Variants in SLC25A21 observed in about 807,000 individuals in gnomAD.
SLC25A21 encodes mitochondrial 2-oxodicarboxylate carrier.
A neutral mutation model predicts 43.8 loss-of-function variants in SLC25A21; 47 were observed. The ratio of observed to expected loss-of-function variants is 1.07; its 90% CI spans 0.85 to 1.37. SLC25A21 has a LOEUF of 1.37. SLC25A21 is among the 40% of genes most tolerant of loss of function. The pLI is 0.00. For missense variants in SLC25A21, 352 were observed against 350.2 expected (o/e 1.00, Z -0.04); for synonymous variants, 131 against 121.3 (o/e 1.08, Z -0.52).
chr14:37,034,446 C>T (rs1961284562), intron 1 of SLC25A21, among the ~76,000 whole-genome samples: 1 of 152,220 alleles, frequency 6.6e-6, no homozygotes, highest in Admixed American at 6.5e-5. Flanking sequence ...GAAACCTCTG[C>T]TATCTTATCT....
At chr14:36,962,668 T>C (rs1039388012) in intron 1 of SLC25A21, among the ~76,000 whole-genome samples, 2 of 152,174 alleles carry the variant, frequency 1.3e-5, no homozygotes, top group Non-Finnish European at 2.9e-5. Context: ...TCAAACTGCA[T>C]CAAATTTAAA....
At chr14:36,756,978 G>C (rs978365978) in intron 3 of SLC25A21, among the ~76,000 whole-genome samples, 2 of 151,990 alleles carry the variant, frequency 1.3e-5, no homozygotes, top group African/African-American at 4.8e-5. Context: ...ACTGAGTTGG[G>C]CGTGGTGGCT....
At chr14:37,004,146 G>C (rs1960546953) in intron 1 of SLC25A21, among the ~76,000 whole-genome samples, 1 of 152,014 alleles carries the variant, frequency 6.6e-6, no homozygotes. Context: ...TGTTCTCTGT[G>C]GCGTTAAGAC....
At chr14:36,835,787 C>T (rs950707225) in intron 2 of SLC25A21, among the ~76,000 whole-genome samples, 1 of 152,200 alleles carries the variant, frequency 6.6e-6, no homozygotes, top group African/African-American at 2.4e-5. Context: ...TCAAGGATGG[C>T]AAATCTGCTG....
At chr14:37,055,003 C>A (rs1158660743) in intron 1 of SLC25A21, among the ~76,000 whole-genome samples, 2 of 152,194 alleles carry the variant, frequency 1.3e-5, no homozygotes, top group African/African-American at 4.8e-5. Context: ...TTCTGCCCAG[C>A]TGGAATTCAG....
At chr14:37,125,309 C>T (rs760999483) in intron 1 of SLC25A21, among the ~76,000 whole-genome samples, 2 of 152,130 alleles carry the variant, frequency 1.3e-5, no homozygotes, top group Admixed American at 6.6e-5. Context: ...AGTGATACTT[C>T]GGTTAACATA....
chr14:36,926,012 T>A (rs1339413571), intron 1 of SLC25A21, among the ~76,000 whole-genome samples: 1 of 152,166 alleles, frequency 6.6e-6, no homozygotes, highest in African/African-American at 2.4e-5. Context: ...CTTGACCATA[T>A]TGGCATGTAT....
chr14:37,098,646 C>T (rs1347366010), intron 1 of SLC25A21: 4 of 152,000 alleles, frequency 2.6e-5, no homozygotes, highest in Admixed American at 1.3e-4. Flanking sequence ...AGATGATTTG[C>T]TATTTCCTGG....
At chr14:37,060,787 T>G (rs533421482) in intron 1 of SLC25A21, among the ~76,000 whole-genome samples, 2 of 152,146 alleles carry the variant, frequency 1.3e-5, no homozygotes, top group Admixed American at 6.6e-5. Flanking sequence ...AGTCAGAAAT[T>G]TTTAAAAAGA....
chr14:37,132,449 G>A (rs184545812), intron 1 of SLC25A21, among the ~76,000 whole-genome samples: 102 of 152,210 alleles, frequency 6.7e-4, no homozygotes, highest in African/African-American at 2.4e-3. Context: ...GAAAAAACAG[G>A]CCAAGAATTT....
intron 1 of SLC25A21, among the ~76,000 whole-genome samples, chr14:37,169,681 T>A (rs532025630): frequency 6.6e-6 from 1 of 152,028 alleles, no homozygotes; most frequent in Non-Finnish European, 1.5e-5. Flanking sequence ...TTTGTTTTTA[T>A]TAAAATTCTT....
intron 6 of SLC25A21, among the ~76,000 whole-genome samples, chr14:36,711,786 A>C (rs374230401): frequency 6.6e-6 from 1 of 152,238 alleles, no homozygotes; most frequent in African/African-American, 2.4e-5. Flanking sequence ...ATTACATCCA[A>C]TTCTGGATTA....
At chr14:37,123,041 T>C (rs1215842174) in intron 1 of SLC25A21, among the ~76,000 whole-genome samples, 1 of 152,208 alleles carries the variant, frequency 6.6e-6, no homozygotes, top group Non-Finnish European at 1.5e-5. Context: ...GGACCTGTAT[T>C]CACAGATAAG....
At chr14:36,735,870 T>G (rs1407575173) in intron 3 of SLC25A21, among the ~76,000 whole-genome samples, 1 of 148,904 alleles carries the variant, frequency 6.7e-6, no homozygotes, top group Non-Finnish European at 1.5e-5. Flanking sequence ...AGCTTATGGA[T>G]CTCATAAAGA....
chr14:36,850,129 T>C (rs1047112919), intron 2 of SLC25A21, among the ~76,000 whole-genome samples: 23 of 151,946 alleles, frequency 1.5e-4, no homozygotes, highest in Admixed American at 8.5e-4. Flanking sequence ...AAGAGATGTA[T>C]AAAGGGAGAC....
At chr14:37,102,310 G>A (rs1292010035) in intron 1 of SLC25A21, among the ~76,000 whole-genome samples, 1 of 151,970 alleles carries the variant, frequency 6.6e-6, no homozygotes, top group Non-Finnish European at 1.5e-5. Context: ...AGATGCGGTG[G>A]CACATGCCTG....
chr14:37,027,328 T>C (rs530680256), intron 1 of SLC25A21, among the ~76,000 whole-genome samples: 2 of 152,312 alleles, frequency 1.3e-5, no homozygotes, highest in African/African-American at 4.8e-5. Context: ...ATTTCCCTAG[T>C]TTCCAAGATG....
intron 1 of SLC25A21, among the ~76,000 whole-genome samples, chr14:36,974,216 A>C (rs1959817981): frequency 6.6e-6 from 1 of 152,194 alleles, no homozygotes; most frequent in Non-Finnish European, 1.5e-5. Context: ...AGTAATCCCA[A>C]CTTCTAGAAT....
Position 37,003,058 on chromosome 14 carries a change from A to AC in SLC25A21, c.71-128055dup, listed in dbSNP as rs570627553. On this transcript the variant is annotated intron_variant, in intron 1 of 9. Transcript: ENST00000331299. ...TTATCTATTGAGAATATGTTCCGAG[A>AC]CCCCCCAGCGGATGCCTGAAACCAC... Among the ~76,000 whole-genome samples the AC allele has an allele frequency of 1.4e-3, 217 of 152,058 alleles. 1 individual carries two copies. The highest frequency in any genetic ancestry group is 5.0e-3 in the African/African-American group (206 of 41,474).
Sources: gnomAD v4.1 joint callset for allele counts (sites outside exome capture counted in the v4.1 genomes callset) on GRCh38, gnomAD v4.1.1 for gene constraint, MANE v1.5 for transcripts, NCBI Gene and HGNC (gene_info 2026-07-23, HGNC 2026-07-21) for gene names.